The following FRMPD4 variants were observed in gnomAD, a reference collection of about 807,000 sequenced individuals.
FRMPD4 encodes FERM and PDZ domain containing 4, also known as FERM and PDZ domain-containing protein 4.
Under a neutral mutation model 94.1 loss-of-function variants are expected in FRMPD4, and 22 were observed. That is an observed-to-expected ratio of 0.23 (90% CI 0.17 to 0.33). The LOEUF (loss-of-function observed/expected upper bound fraction) is 0.33. Ranked by LOEUF, FRMPD4 falls within the 10% of genes least tolerant of loss-of-function variation. The probability of loss-of-function intolerance (pLI) is 1.00; values close to 1 mark genes in which losing one functional copy is unlikely to be tolerated. For missense variants in FRMPD4, 1,111 were observed against 1,339.9 expected, an observed-to-expected ratio of 0.83 and a Z score of 2.67; for synonymous variants, 631 against 548.6, an observed-to-expected ratio of 1.15 and a Z score of -2.10.
chrX:12,626,117 A>G (rs1419186067), intron 4 of FRMPD4, among the ~76,000 whole-genome samples: 2 of 110,850 alleles, frequency 1.8e-5, no homozygotes, highest in African/African-American at 6.6e-5. Flanking sequence ...ACTTGAGGCC[A>G]AGAGTTTAAG....
At chrX:12,594,473 T>C (rs1171675745) in intron 2 of FRMPD4, among the ~76,000 whole-genome samples, 1 of 110,955 alleles carries the variant, frequency 9.0e-6, no homozygotes, top group Admixed American at 9.6e-5. Context: ...TCTCACTCTG[T>C]CACCCAGGCT....
rs2042133834 is a variant in FRMPD4, at chrX:12,718,071, A to C, written c.3245A>C (p.Glu1082Ala). 4 of 1,211,262 alleles carry C rather than the reference A, an allele frequency of 3.3e-6. No individual in the cohort carries two copies. The East Asian group carries it at 8.9e-5, about 27-fold the overall frequency. ...CAACACCTGAGCACTTTTAATCTGG[A>C]GAGAACTGCCTTTCGCAAGGACAGT... ...DSQHLSTFNL[E>A]RTAFRKDSQR... Residue 1082 changes from glutamate (E) to alanine (A), a missense_variant, in exon 16 of 17, where the codon GAG becomes GCG. By Grantham distance (107) the Glu-to-Ala change is moderately radical. Transcript: ENST00000675598.
chrX:12,363,661 G>A (rs972669182), intron 1 of FRMPD4, among the ~76,000 whole-genome samples: 1 of 112,538 alleles, frequency 8.9e-6, no homozygotes, highest in African/African-American at 3.2e-5. Flanking sequence ...ACAAGTTACA[G>A]TGCCAACCAA....
chrX:12,008,751 C>CCAGGA (rs1383741105), intron 3 of FRMPD4, among the ~76,000 whole-genome samples: 1 of 111,965 alleles, frequency 8.9e-6, no homozygotes, highest in African/African-American at 3.2e-5. Flanking sequence ...CTATGATGAA[C>CCAGGA]CAGGACAGTA....
At chrX:12,003,820 T>A (rs1316744608) in intron 3 of FRMPD4, among the ~76,000 whole-genome samples, 1 of 112,513 alleles carries the variant, frequency 8.9e-6, no homozygotes, top group Non-Finnish European at 1.9e-5. Context: ...CAAATATACA[T>A]CATTAATATA....
chrX:11,910,052 A>G (rs780261326), intron 3 of FRMPD4, among the ~76,000 whole-genome samples: 4 of 111,993 alleles, frequency 3.6e-5, no homozygotes, highest in Non-Finnish European at 7.5e-5. Flanking sequence ...CAAGTATTTT[A>G]TATCACTACT....
intron 3 of FRMPD4, among the ~76,000 whole-genome samples, chrX:11,910,560 C>T (rs750059857): frequency 3.6e-5 from 4 of 110,984 alleles, no homozygotes; most frequent in African/African-American, 9.8e-5. Flanking sequence ...ACTACAGGCG[C>T]GTGCCACCAC....
rs142778435 is a variant in FRMPD4, at chrX:12,496,969, C to T, written c.42-1711C>T. Among the ~76,000 whole-genome samples, 973 of 111,397 alleles carry T rather than the reference C, an allele frequency of 8.7e-3. 8 individuals are homozygous for T. Among genetic ancestry groups the T allele is most frequent in the African/African-American group, 0.03 (928 of 30,607 alleles). ...ATAATAAAATTCAGCCTTCCTCCAA[C>T]TCGTTATTATAATGCTATATTTTAC... On this transcript the variant is annotated intron_variant, in intron 1 of 16. Transcript: ENST00000675598.
chrX:12,026,587 A>C (rs2054662645), intron 3 of FRMPD4, among the ~76,000 whole-genome samples: 1 of 112,086 alleles, frequency 8.9e-6, no homozygotes, highest in South Asian at 3.7e-4. Context: ...ACTGTGCAGA[A>C]AGTGGTGGTT....
chrX:11,894,218 A>G (rs1212923562), intron 3 of FRMPD4, among the ~76,000 whole-genome samples: 1 of 111,832 alleles, frequency 8.9e-6, no homozygotes, highest in Non-Finnish European at 1.9e-5. Flanking sequence ...TAGTATACAT[A>G]TTGTCTGGTT....
chrX:12,001,609 C>G (rs955875102), intron 3 of FRMPD4, among the ~76,000 whole-genome samples: 5 of 111,489 alleles, frequency 4.5e-5, no homozygotes, highest in African/African-American at 1.6e-4. Context: ...TGTTAGAAAA[C>G]AAAACCAATC....
intron 2 of FRMPD4, among the ~76,000 whole-genome samples, chrX:11,876,141 G>A (rs181764692): frequency 2.0e-3 from 217 of 109,605 alleles, no homozygotes; most frequent in Non-Finnish European, 3.5e-3. Flanking sequence ...CCCCACTTGA[G>A]GATCTTGTCT....
chrX:12,454,589 A>G (rs971432939), intron 1 of FRMPD4, among the ~76,000 whole-genome samples: 1 of 109,900 alleles, frequency 9.1e-6, no homozygotes, highest in Non-Finnish European at 1.9e-5. Flanking sequence ...AGATTTCCCA[A>G]TGTAGGTTTA....
intron 1 of FRMPD4, among the ~76,000 whole-genome samples, chrX:12,428,289 T>G (rs942947438): frequency 3.6e-5 from 4 of 111,908 alleles, no homozygotes; most frequent in Middle Eastern, 4.6e-3. Context: ...ATATTTCCTT[T>G]CTTAAAGAAC....
At chrX:11,984,486 A>G (rs2054416114) in intron 3 of FRMPD4, among the ~76,000 whole-genome samples, 1 of 112,460 alleles carries the variant, frequency 8.9e-6, no homozygotes, top group Non-Finnish European at 1.9e-5. Context: ...ATTTTCATTG[A>G]AAGCTCTGCT....
chrX:11,843,325 T>A (rs56177722), intron 1 of FRMPD4, among the ~76,000 whole-genome samples: 26,491 of 108,490 alleles, frequency 0.24, 2,370 homozygotes, highest in Middle Eastern at 0.28. Flanking sequence ...TTTAATGCTA[T>A]TTTTTTCTTT....
intron 3 of FRMPD4, among the ~76,000 whole-genome samples, chrX:11,898,882 T>TGGA (rs2147327369): frequency 8.9e-6 from 1 of 111,740 alleles, no homozygotes; most frequent in East Asian, 2.8e-4. Flanking sequence ...TGGGCCTGAA[T>TGGA]AAGTGGAAAG....
In FRMPD4 at chrX:12,056,326, G is replaced by A. The variant is rs73190527; in HGVS notation, c.95+178308G>A. The stretch of plus-strand genomic sequence containing the variant: ...AATATGGACAGTTGTACAGAAATAG[G>A]ATTGGACAAAAAGGGCTAATCTAAT... On this transcript the variant is annotated intron_variant, in intron 3 of 18. Transcript: ENST00000640291. Among the ~76,000 whole-genome samples the A allele has an allele frequency of 9.8e-3, 1,090 of 111,767 alleles. 5 individuals carry two copies. Among genetic ancestry groups the A allele is most frequent in the Non-Finnish European group, 0.016 (853 of 53,141 alleles).
intron 1 of FRMPD4, among the ~76,000 whole-genome samples, chrX:12,345,052 T>C (rs2147964399): frequency 8.9e-6 from 1 of 111,839 alleles, no homozygotes; most frequent in Non-Finnish European, 1.9e-5. Flanking sequence ...GGTAGATGGA[T>C]AATGGATGGA....
Sources: gnomAD v4.1 joint callset for allele counts (sites outside exome capture counted in the v4.1 genomes callset) on GRCh38, gnomAD v4.1.1 for gene constraint, MANE v1.5 for transcripts, NCBI Gene and HGNC (gene_info 2026-07-23, HGNC 2026-07-21) for gene names.